FGF1: variants seen among roughly 807,000 people sequenced by gnomAD.
The protein encoded by FGF1 is beta-endothelial cell growth factor.
Under a neutral mutation model 13.4 loss-of-function variants are expected in FGF1, and 9 were observed. That is an observed-to-expected ratio of 0.67 (90% confidence interval 0.40 to 1.17). The LOEUF (loss-of-function observed/expected upper bound fraction) is 1.17, where lower values mean the gene tolerates loss of function less well. FGF1 is among the 50% of genes most tolerant of loss of function. The probability of loss-of-function intolerance (pLI) is 0.01; values close to 1 mark genes in which losing one functional copy is unlikely to be tolerated. For missense variants in FGF1, 156 were observed against 192.7 expected (o/e 0.81, Z 1.13); for synonymous variants, 93 against 79.0 (o/e 1.18, Z -0.94).
chr5:142,619,140 T>A (rs1322881153), intron 1 of FGF1, among the ~76,000 whole-genome samples: 1 of 151,980 alleles, frequency 6.6e-6, no homozygotes, highest in Admixed American at 6.6e-5. Flanking sequence ...TTCACCGTGT[T>A]AGCCAAGATG....
At position 142,640,426 on chromosome 5, in the gene FGF1, T is replaced by TGGGG. The variant is rs771167178; in HGVS notation, c.-34-26269_-34-26266dup. On this transcript the variant is annotated intron_variant, in intron 1 of 3. Transcript: ENST00000337706. ...GAGTGCACCAGGAGGTGGAGTATGG[T>TGGGG]GGGGGGGGGGGTCTCTCTGAGAAGC... is the stretch of plus-strand genomic sequence containing the variant. 3.2e-3 allele frequency among the ~76,000 whole-genome samples: 226 copies of TGGGG among 70,958 alleles called. 1 individual carries two copies. The highest frequency in any genetic ancestry group is 5.4e-3 in the South Asian group (9 of 1,682). 46.6% of individuals were successfully genotyped at this position (70,958 alleles called of 152,430 possible).
At chr5:142,618,180 G>C (rs1326544287) in intron 1 of FGF1, among the ~76,000 whole-genome samples, 1 of 152,140 alleles carries the variant, frequency 6.6e-6, no homozygotes, top group Non-Finnish European at 1.5e-5. Flanking sequence ...TGAGATTTTA[G>C]GAAATCCAGA....
intron 1 of FGF1, among the ~76,000 whole-genome samples, chr5:142,653,836 G>A (rs1487610648): frequency 2.0e-5 from 3 of 152,204 alleles, no homozygotes; most frequent in Non-Finnish European, 4.4e-5. Flanking sequence ...GCTCACGCCT[G>A]TAATCTCAGC....
intron 1 of FGF1, among the ~76,000 whole-genome samples, chr5:142,626,433 G>A (rs7736231): frequency 0.01 from 1,598 of 152,276 alleles, 27 homozygotes; most frequent in African/African-American, 0.036. Flanking sequence ...AACCTAAAAC[G>A]TGTTGGAGCT....
chr5:142,614,217 A>T, intron 1 of FGF1, 56 bp from the exon 2 acceptor site: 3 of 1,421,048 alleles, frequency 2.1e-6, no homozygotes, highest in Non-Finnish European at 2.9e-6. Context: ...CACAAAATGC[A>T]CTTTGAAGAG....
chr5:142,696,989 C>T (rs922575241), intron 2 of FGF1, among the ~76,000 whole-genome samples: 2 of 152,064 alleles, frequency 1.3e-5, no homozygotes, highest in Admixed American at 6.6e-5. Flanking sequence ...TAGGGGAGAC[C>T]GAGGCTGCAA....
chr5:142,649,532 GA>G (rs1181375585), intron 1 of FGF1, among the ~76,000 whole-genome samples: 1 of 151,908 alleles, frequency 6.6e-6, no homozygotes, highest in Non-Finnish European at 1.5e-5. Context: ...TCAGCCTCCT[GA>G]GTAGCTGGGA....
chr5:142,659,679 A>G (rs1768832913), intron 1 of FGF1, among the ~76,000 whole-genome samples: 1 of 152,218 alleles, frequency 6.6e-6, no homozygotes. Flanking sequence ...TATCTATAAA[A>G]TGTGAATAAC....
rs1448588791 is a variant in FGF1 at position 142,592,663 on chromosome 5, C to T, written c.*2627G>A. On this transcript the variant is annotated 3_prime_UTR_variant, in exon 4 of 4. Transcript: ENST00000337706. ...TCAAAACAGAGCAGGGAACTACCAA[C>T]CTCTTCCTTCTAAGAAGATCTGACA... 1 of 387,822 alleles carries T rather than the reference C, an allele frequency of 2.6e-6. No homozygotes were observed. Among genetic ancestry groups the T allele is most frequent in the Non-Finnish European group, 4.6e-6 (1 of 219,570 alleles). 24.0% of individuals were successfully genotyped at this position (387,822 alleles called of 1,614,324 possible).
chr5:142,634,886 T>TC (rs1763989250), intron 1 of FGF1, among the ~76,000 whole-genome samples: 1 of 151,940 alleles, frequency 6.6e-6, no homozygotes, highest in Admixed American at 6.6e-5. Context: ...TTTTTTTTTT[T>TC]CCACGACTCC....
At chr5:142,634,028 CCA>C (rs1491420507) in intron 1 of FGF1, among the ~76,000 whole-genome samples, 1 of 144,354 alleles carries the variant, frequency 6.9e-6, no homozygotes, top group Non-Finnish European at 1.5e-5. Flanking sequence ...ACTAAAAATA[CCA>C]AAAAAAAAAA....
intron 1 of FGF1, among the ~76,000 whole-genome samples, chr5:142,661,464 C>A (rs1769206678): frequency 6.6e-6 from 1 of 152,062 alleles, no homozygotes; most frequent in Non-Finnish European, 1.5e-5. Context: ...ACCATATGAC[C>A]CAACAATCCA....
chr5:142,621,813 G>T (rs764296202), intron 1 of FGF1, among the ~76,000 whole-genome samples: 9 of 152,166 alleles, frequency 5.9e-5, no homozygotes, highest in Non-Finnish European at 1.2e-4. Context: ...CCCCACCCTA[G>T]GACCTTTGCC....
chr5:142,640,826 A>G (rs903831489), intron 1 of FGF1, among the ~76,000 whole-genome samples: 1 of 151,922 alleles, frequency 6.6e-6, no homozygotes, highest in Non-Finnish European at 1.5e-5. Flanking sequence ...CTACCCTGCA[A>G]TTAGAGCTAT....
chr5:142,645,123 T>C (rs1404739729), intron 1 of FGF1, among the ~76,000 whole-genome samples: 1 of 152,178 alleles, frequency 6.6e-6, no homozygotes, highest in Non-Finnish European at 1.5e-5. Context: ...AGTCATCTCC[T>C]GAAGCTCCCA....
chr5:142,696,404 C>T (rs1408479969), intron 2 of FGF1, among the ~76,000 whole-genome samples: 1 of 152,180 alleles, frequency 6.6e-6, no homozygotes, highest in African/African-American at 2.4e-5. Context: ...TGCTTTCAGT[C>T]CATGCAGTTT....
intron 2 of FGF1, among the ~76,000 whole-genome samples, chr5:142,693,258 T>C (rs1456107725): frequency 6.6e-6 from 1 of 152,140 alleles, no homozygotes. Flanking sequence ...ATTATTTCAA[T>C]AGCAGTGGTT....
chr5:142,696,379 G>A (rs556551505), intron 2 of FGF1, among the ~76,000 whole-genome samples: 1 of 152,268 alleles, frequency 6.6e-6, no homozygotes, highest in East Asian at 1.9e-4. Context: ...CATTTCTGGG[G>A]AAACACCCCT....
At chr5:142,687,581 A>G (rs78220962), upstream of FGF1, among the ~76,000 whole-genome samples, 292 of 152,342 alleles carry the variant, frequency 1.9e-3, 2 homozygotes, top group African/African-American at 6.8e-3. Flanking sequence ...AGTATCTGCA[A>G]GTTTCCAAAG....
Sources: allele counts gnomAD v4.1 joint callset (sites outside exome capture counted in the v4.1 genomes callset), GRCh38; gene constraint gnomAD v4.1.1; transcripts MANE v1.5; gene names NCBI Gene and HGNC (gene_info 2026-07-23, HGNC 2026-07-21).